Variants in NAALADL2 observed in about 807,000 individuals in gnomAD.
The protein encoded by NAALADL2 is N-acetylated alpha-linked acidic dipeptidase like 2.
A neutral mutation model predicts 87.2 loss-of-function variants in NAALADL2; 76 were observed. That is an observed-to-expected ratio of 0.87 (90% CI 0.72 to 1.05). The LOEUF is 1.05. NAALADL2 is among the 50% of genes least tolerant of loss of function. The pLI, the probability that NAALADL2 is intolerant of heterozygous loss-of-function variation, is 0.00. For synonymous variants in NAALADL2, 354 were observed against 331.0 expected, an observed-to-expected ratio of 1.07 and a Z score of -0.75; for missense variants, 1,089 against 945.8, an observed-to-expected ratio of 1.15 and a Z score of -1.99.
intron 1 of NAALADL2, among the ~76,000 whole-genome samples, chr3:174,934,834 A>G (rs922138845): frequency 2.0e-5 from 3 of 152,176 alleles, no homozygotes; most frequent in Non-Finnish European, 4.4e-5. Context: ...GAAGGATATT[A>G]TGATAGAGGA....
chr3:174,544,870 C>T (rs9836588), intron 1 of NAALADL2, among the ~76,000 whole-genome samples: 39,282 of 151,450 alleles, frequency 0.26, 6,036 homozygotes, highest in East Asian at 0.48. Flanking sequence ...CACCTAGCCT[C>T]AATTTTTATT....
chr3:175,003,377 A>G (rs1748505918), intron 1 of NAALADL2, among the ~76,000 whole-genome samples: 1 of 152,168 alleles, frequency 6.6e-6, no homozygotes, highest in Non-Finnish European at 1.5e-5. Context: ...AAAAGTAAAT[A>G]CTTAATATAA....
chr3:174,690,640 T>C (rs1728489720), intron 2 of NAALADL2, among the ~76,000 whole-genome samples: 1 of 152,200 alleles, frequency 6.6e-6, no homozygotes, highest in African/African-American at 2.4e-5. Context: ...GGCATTTTTA[T>C]GAAATGCGAG....
At chr3:175,768,040 A>G (rs2150168706) in intron 13 of NAALADL2, among the ~76,000 whole-genome samples, 1 of 152,276 alleles carries the variant, frequency 6.6e-6, no homozygotes, top group South Asian at 2.1e-4. Context: ...CCTGGATCTT[A>G]AAAGAACCGG....
chr3:174,510,752 T>G (rs2108390105), intron 1 of NAALADL2, among the ~76,000 whole-genome samples: 1 of 151,876 alleles, frequency 6.6e-6, no homozygotes, highest in Non-Finnish European at 1.5e-5. Context: ...AGGGTTCAAT[T>G]TTTTTACTTT....
At chr3:175,104,513 C>A (rs748840458) in intron 2 of NAALADL2, among the ~76,000 whole-genome samples, 17 of 152,118 alleles carry the variant, frequency 1.1e-4, no homozygotes, top group Non-Finnish European at 1.5e-4. Context: ...TTTGGCCCCT[C>A]TTCACATTAT....
At chr3:174,929,013 A>T (rs1228759477) in intron 1 of NAALADL2, among the ~76,000 whole-genome samples, 1 of 152,204 alleles carries the variant, frequency 6.6e-6, no homozygotes, top group Non-Finnish European at 1.5e-5. Context: ...TAGATATTTA[A>T]TTTTGATTTT....
At chr3:175,617,305 G>A (rs951389264) in intron 10 of NAALADL2, among the ~76,000 whole-genome samples, 1 of 152,102 alleles carries the variant, frequency 6.6e-6, no homozygotes, top group African/African-American at 2.4e-5. Context: ...TGGTAATGGT[G>A]GTCTGAACCA....
intron 1 of NAALADL2, among the ~76,000 whole-genome samples, chr3:175,095,279 A>T (rs961651657): frequency 6.6e-6 from 1 of 152,014 alleles, no homozygotes; most frequent in Non-Finnish European, 1.5e-5. Flanking sequence ...TGCTAGAATC[A>T]ATCACCCCTG....
At chr3:175,742,353 G>T (rs1745337556) in intron 12 of NAALADL2, among the ~76,000 whole-genome samples, 1 of 152,126 alleles carries the variant, frequency 6.6e-6, no homozygotes, top group Non-Finnish European at 1.5e-5. Flanking sequence ...CAAGAGAAAG[G>T]CATACGAATT....
At chr3:175,699,283 T>C (rs780643381) in intron 11 of NAALADL2, among the ~76,000 whole-genome samples, 1 of 151,854 alleles carries the variant, frequency 6.6e-6, no homozygotes, top group South Asian at 2.1e-4. Flanking sequence ...ACTACATATA[T>C]ATAATTATTA....
At chr3:174,620,437 TTTGTTTTGTTTTTTTC>T (rs1720892867) in intron 2 of NAALADL2, among the ~76,000 whole-genome samples, 1 of 66,784 alleles carries the variant, frequency 1.5e-5, no homozygotes, top group Non-Finnish European at 5.1e-5. Flanking sequence ...TGTTTTTTGT[TTTGTTTTGTTTTTTTC>T]AACTGGCTAC....
intron 2 of NAALADL2, among the ~76,000 whole-genome samples, chr3:174,655,701 A>G (rs1387952122): frequency 6.6e-6 from 1 of 152,190 alleles, no homozygotes; most frequent in Non-Finnish European, 1.5e-5. Flanking sequence ...TTAAAATGAA[A>G]AATGGAATAA....
chr3:175,175,698 A>C (rs1388652249), intron 2 of NAALADL2, among the ~76,000 whole-genome samples: 2 of 152,104 alleles, frequency 1.3e-5, no homozygotes. Flanking sequence ...CAGTTTCAAT[A>C]ATTCAATTAT....
chr3:175,463,724 G>GAGAGAGAGAGAGAGAGAGAC (rs145842620), intron 7 of NAALADL2, among the ~76,000 whole-genome samples: 2,247 of 148,202 alleles, frequency 0.015, 76 homozygotes, highest in African/African-American at 0.053. Flanking sequence ...GAGAGAGAGA[G>GAGAGAGAGAGAGAGAGAGAC]AGAGAGAGAG....
intron 1 of NAALADL2, among the ~76,000 whole-genome samples, chr3:174,450,234 A>G (rs1390959930): frequency 6.6e-6 from 1 of 152,204 alleles, no homozygotes; most frequent in Non-Finnish European, 1.5e-5. Context: ...CCAGTCACTG[A>G]GACAATGAGT....
At chr3:175,295,734 C>CACAT (rs1369729289) in intron 4 of NAALADL2, among the ~76,000 whole-genome samples, 3 of 151,470 alleles carry the variant, frequency 2.0e-5, no homozygotes, top group Admixed American at 6.6e-5. Flanking sequence ...CACACACACA[C>CACAT]ACACACACAC....
At chr3:175,430,583 A>G (rs551755330) in intron 5 of NAALADL2, among the ~76,000 whole-genome samples, 1 of 152,004 alleles carries the variant, frequency 6.6e-6, no homozygotes, top group Non-Finnish European at 1.5e-5. Context: ...TCATATTTAC[A>G]TCTTACTTAC....
chr3:175,051,616 A>T (rs1374639883), intron 1 of NAALADL2, among the ~76,000 whole-genome samples: 1 of 152,202 alleles, frequency 6.6e-6, no homozygotes, highest in Non-Finnish European at 1.5e-5. Flanking sequence ...AGAGGTTTAG[A>T]TAACATAATC....
Sources: gnomAD v4.1 joint callset for allele counts (sites outside exome capture counted in the v4.1 genomes callset) on GRCh38, gnomAD v4.1.1 for gene constraint, MANE v1.5 for transcripts, NCBI Gene and HGNC (gene_info 2026-07-23, HGNC 2026-07-21) for gene names.